DDAH1: variants seen among roughly 807,000 people sequenced by gnomAD.
DDAH1 encodes dimethylarginine dimethylaminohydrolase 1, also known as N(G),N(G)-dimethylarginine dimethylaminohydrolase 1.
In DDAH1, 19 loss-of-function variants were observed where a neutral mutation model predicts 28.8. The observed-to-expected ratio is 0.66, with a 90% CI of 0.46 to 0.97. The LOEUF is 0.97. Ranked by LOEUF, DDAH1 falls within the 50% of genes least tolerant of loss-of-function variation. DDAH1 has a pLI of 0.00. For synonymous variants in DDAH1, 153 were observed against 154.4 expected (o/e 0.99, Z 0.07); for missense variants, 326 against 375.9 (o/e 0.87, Z 1.10).
intron 2 of DDAH1, chr1:85,496,087 A>G (rs1179088066): frequency 4.1e-6 from 1 of 245,964 alleles, no homozygotes; most frequent in Non-Finnish European, 6.5e-6. Flanking sequence ...ACTTGAATGC[A>G]AGTACATTTT....
rs767893345 is a variant in DDAH1, at chr1:85,320,249, T to C, written c.*1203A>G. 4 of 152,620 alleles carry C rather than the reference T, an allele frequency of 2.6e-5. No homozygotes were observed. Among genetic ancestry groups the C allele is most frequent in the Non-Finnish European group, 4.4e-5 (3 of 68,032 alleles). The allele number at this position is 152,620 out of a possible 1,614,324, so 9.5% of individuals were successfully genotyped here. A position where few individuals can be genotyped will look rare whatever the true frequency, so the allele number is the denominator to read the frequency against. On this transcript the variant is annotated 3_prime_UTR_variant, in exon 6 of 6. Coordinates refer to ENST00000284031, the MANE Select transcript of DDAH1 (RefSeq NM_012137.4). ...AGGCTAGAGAAGAAAGAAGTTTAAA[T>C]TGGATCCCACAGTAAATATTCACGG...
At chr1:85,352,008 G>A (rs1351678492) in intron 2 of DDAH1, among the ~76,000 whole-genome samples, 1 of 152,046 alleles carries the variant, frequency 6.6e-6, no homozygotes, top group Non-Finnish European at 1.5e-5. Flanking sequence ...TTTTTATTTA[G>A]GCAATAATAA....
At chr1:85,514,752 GC>G (rs1404719634) in intron 1 of DDAH1, among the ~76,000 whole-genome samples, 1 of 151,862 alleles carries the variant, frequency 6.6e-6, no homozygotes, top group East Asian at 1.9e-4. Flanking sequence ...GCTAGTGGGA[GC>G]CCTTTCACAC....
intron 1 of DDAH1, among the ~76,000 whole-genome samples, chr1:85,560,414 T>C (rs974747133): frequency 6.6e-6 from 1 of 152,060 alleles, no homozygotes; most frequent in African/African-American, 2.4e-5. Context: ...AACATGTGAG[T>C]AAATATGAAA....
rs145526350 is a variant in DDAH1, at chr1:85,350,460, G to A, written c.552C>T (p.Asn184=). 1,417 of 1,614,104 alleles carry A rather than the reference G, an allele frequency of 8.8e-4. 3 individuals carry two copies. Among genetic ancestry groups the A allele is most frequent in the Non-Finnish European group, 1.1e-3 (1,304 of 1,179,994 alleles). ...LKSFCSMAGP[N]LIAIGSSESA... is the part of the protein sequence containing the mutation. ...ATTCACTAGACCCAATTGCGATCAG[G>A]TTAGGCCCAGCCATGCTGCAGAAAC... Residue 184 remains asparagine (N), a synonymous_variant, in exon 4 of 6, where the codon AAC becomes AAT. Coordinates refer to ENST00000284031, the MANE Select transcript of DDAH1 (RefSeq NM_012137.4).
chr1:85,412,444 C>T (rs1032972548), intron 1 of DDAH1, among the ~76,000 whole-genome samples: 2 of 152,198 alleles, frequency 1.3e-5, no homozygotes, highest in Non-Finnish European at 2.9e-5. Context: ...TGACTGAAGT[C>T]TCTTGGTCAT....
At position 85,319,209 on chromosome 1, in the gene DDAH1, A is replaced by C. The variant is rs1661223510; in HGVS notation, c.*2243T>G. 6.6e-6 allele frequency: 1 copy of C among 152,220 alleles called. No individual in the cohort carries two copies. Among genetic ancestry groups the C allele is most frequent in the Non-Finnish European group, 1.5e-5 (1 of 68,026 alleles). 9.4% of individuals were successfully genotyped at this position (152,220 alleles called of 1,614,324 possible). ...ATCATATAGGGAGTCCAAAGAAGCCAGCCTAGCAGGTAACATAGCAGAGCA... is the reference window on the plus strand; with the variant it reads ...ATCATATAGGGAGTCCAAAGAAGCCCGCCTAGCAGGTAACATAGCAGAGCA... On this transcript the variant is annotated 3_prime_UTR_variant, in exon 6 of 6. Coordinates refer to ENST00000284031, the MANE Select transcript of DDAH1 (RefSeq NM_012137.4).
At chr1:85,369,543 T>C (rs1437990236) in intron 1 of DDAH1, among the ~76,000 whole-genome samples, 1 of 152,184 alleles carries the variant, frequency 6.6e-6, no homozygotes, top group African/African-American at 2.4e-5. Context: ...AAAACTACCG[T>C]TGGCCTATTT....
At chr1:85,331,118 C>T (rs1438912027) in intron 4 of DDAH1, among the ~76,000 whole-genome samples, 1 of 152,176 alleles carries the variant, frequency 6.6e-6, no homozygotes, top group Non-Finnish European at 1.5e-5. Context: ...GGCTTTCAGC[C>T]CAAGAGAATC....
intron 1 of DDAH1, among the ~76,000 whole-genome samples, chr1:85,566,789 T>C (rs1178680855): frequency 6.6e-6 from 1 of 152,102 alleles, no homozygotes; most frequent in African/African-American, 2.4e-5. Context: ...TGTGTGTGTG[T>C]ACATGTGTGT....
Position 85,380,962 on chromosome 1 carries a change from C to T in DDAH1, c.304-22115G>A, listed in dbSNP as rs970183162. ...ACCTGAAAGATATATTCTAGCCGGGCGTGGTGGCTCACACCTGTAATCCCA... is the reference window on the plus strand; with the variant it reads ...ACCTGAAAGATATATTCTAGCCGGGTGTGGTGGCTCACACCTGTAATCCCA... On this transcript the variant is annotated intron_variant, in intron 1 of 5. Transcript: ENST00000284031. Among the ~76,000 whole-genome samples, 7 of 152,216 alleles carry T rather than the reference C, an allele frequency of 4.6e-5. No homozygotes were observed. The South Asian group carries it at 1.5e-3, about 32-fold the overall frequency.
chr1:85,569,678 T>C (rs2100563447), intron 1 of DDAH1, among the ~76,000 whole-genome samples: 1 of 152,344 alleles, frequency 6.6e-6, no homozygotes, highest in Middle Eastern at 3.4e-3. Context: ...GGCCCAGCTA[T>C]GCACGCTGGC....
chr1:85,478,793 C>T (rs977226948), intron 2 of DDAH1, among the ~76,000 whole-genome samples: 12 of 152,162 alleles, frequency 7.9e-5, no homozygotes, highest in East Asian at 1.9e-4. Flanking sequence ...TGGTCATTGA[C>T]GGGTAAGTTG....
intron 1 of DDAH1, among the ~76,000 whole-genome samples, chr1:85,559,867 T>C (rs1659092145): frequency 6.6e-6 from 1 of 151,098 alleles, no homozygotes; most frequent in Non-Finnish European, 1.5e-5. Context: ...GTCTAACACA[T>C]GCAAACTTGT....
intron 1 of DDAH1, among the ~76,000 whole-genome samples, chr1:85,422,172 T>A (rs2100616309): frequency 6.6e-6 from 1 of 152,354 alleles, no homozygotes; most frequent in African/African-American, 2.4e-5. Flanking sequence ...ATGTTAAGCA[T>A]CTTTTCAAAT....
At chr1:85,397,036 TA>T (rs34296620) in intron 1 of DDAH1, among the ~76,000 whole-genome samples, 94,027 of 145,424 alleles carry the variant, frequency 0.65, 29,871 homozygotes, top group East Asian at 0.7. Context: ...GACCCTGTCT[TA>T]AAAAAAAAAA....
upstream of DDAH1, among the ~76,000 whole-genome samples, chr1:85,466,236 G>A (rs1466437947): frequency 6.6e-6 from 1 of 152,140 alleles, no homozygotes; most frequent in Non-Finnish European, 1.5e-5. Context: ...CACATTTGAG[G>A]AGTTTTTTTT....
chr1:85,420,904 T>C (rs921964893), intron 1 of DDAH1, among the ~76,000 whole-genome samples: 41 of 152,346 alleles, frequency 2.7e-4, no homozygotes, highest in African/African-American at 9.6e-4. Context: ...AGAGGTTTAA[T>C]TGGCTCAGGG....
At chr1:85,461,222 T>C (rs1418305464) in intron 1 of DDAH1, among the ~76,000 whole-genome samples, 2 of 152,076 alleles carry the variant, frequency 1.3e-5, no homozygotes, top group Non-Finnish European at 2.9e-5. Flanking sequence ...GTATTAAACA[T>C]AAAAAATACT....
Sources: allele counts gnomAD v4.1 joint callset (sites outside exome capture counted in the v4.1 genomes callset), GRCh38; gene constraint gnomAD v4.1.1; transcripts MANE v1.5; gene names NCBI Gene and HGNC (gene_info 2026-07-23, HGNC 2026-07-21).